TNFRSF10A: variants seen among roughly 807,000 people sequenced by gnomAD.
TNFRSF10A encodes the protein TNF receptor superfamily member 10a, also known as tumor necrosis factor receptor superfamily member 10A.
TNFRSF10A carries 44 observed loss-of-function variants against 42.8 expected under a neutral mutation model. That is an observed-to-expected ratio of 1.03 (90% CI 0.81 to 1.32). The LOEUF is 1.32. TNFRSF10A is among the 40% of genes most tolerant of loss of function. The pLI, the probability that TNFRSF10A is intolerant of heterozygous loss-of-function variation, is 0.00. For synonymous variants in TNFRSF10A, 259 were observed against 234.2 expected (o/e 1.11, Z -0.97); for missense variants, 680 against 602.0 (o/e 1.13, Z -1.36).
chr8:23,200,040 G>T, intron 6 of TNFRSF10A, 123 bp from the exon 7 acceptor site: 1 of 1,240,460 alleles, frequency 8.1e-7, no homozygotes. Context: ...CCCCGGGCCT[G>T]GGGATCCACA....
At chr8:23,204,852 T>C (rs1018496242) in intron 2 of TNFRSF10A, among the ~76,000 whole-genome samples, 1 of 151,894 alleles carries the variant, frequency 6.6e-6, no homozygotes. Context: ...ATAAGACGAA[T>C]GAAAATGAAG....
intron 8 of TNFRSF10A, among the ~76,000 whole-genome samples, 190 bp downstream of exon 8, chr8:23,199,076 G>A (rs1800868288): frequency 6.6e-6 from 1 of 152,170 alleles, no homozygotes; most frequent in Non-Finnish European, 1.5e-5. Flanking sequence ...GCAAGGACAG[G>A]ACAGGGACTA....
At chr8:23,215,008 T>C (rs1199071999) in intron 1 of TNFRSF10A, among the ~76,000 whole-genome samples, 1 of 152,188 alleles carries the variant, frequency 6.6e-6, no homozygotes, top group Admixed American at 6.5e-5. Context: ...CTGGTAGTAA[T>C]GTACTGATGC....
intron 3 of TNFRSF10A, among the ~76,000 whole-genome samples, chr8:23,202,369 C>T (rs907109816): frequency 5.9e-5 from 9 of 152,208 alleles, no homozygotes; most frequent in African/African-American, 1.2e-4. Context: ...CAGACCCGTA[C>T]CACCGCTGAA....
At chr8:23,209,386 C>T (rs1220353716) in intron 2 of TNFRSF10A, among the ~76,000 whole-genome samples, 1 of 152,198 alleles carries the variant, frequency 6.6e-6, no homozygotes, top group African/African-American at 2.4e-5. Flanking sequence ...GGCCATTGTC[C>T]TTCAGACCCC....
At chr8:23,194,073 A>G (rs922546382) in intron 9 of TNFRSF10A, among the ~76,000 whole-genome samples, 3 of 152,016 alleles carry the variant, frequency 2.0e-5, no homozygotes, top group African/African-American at 4.8e-5. Flanking sequence ...TGGGTTCACA[A>G]CCTTCACTGA....
intron 1 of TNFRSF10A, among the ~76,000 whole-genome samples, chr8:23,214,884 G>A (rs1801155087): frequency 6.6e-6 from 1 of 152,172 alleles, no homozygotes; most frequent in Admixed American, 6.5e-5. Context: ...AATGTCCCAT[G>A]AAATACTAGA....
Position 23,206,968 on chromosome 8 carries a change from G to A in TNFRSF10A, c.404-4207C>T, listed in dbSNP as rs145207880. 503 of 329,464 alleles carry A rather than the reference G, an allele frequency of 1.5e-3. 2 individuals carry two copies. Among genetic ancestry groups the A allele is most frequent in the African/African-American group, 0.01 (477 of 45,956 alleles). 20.4% of individuals were successfully genotyped at this position (329,464 alleles called of 1,614,324 possible). On this transcript the variant is annotated intron_variant, in intron 2 of 9. Coordinates refer to ENST00000221132, the MANE Select transcript of TNFRSF10A (RefSeq NM_003844.4). ...CTCCTGCCCCTCCTAAAGCTGAAGC[G>A]ATGCAAAGGTTTTGAAGGCCAAGAA...
chr8:23,224,089 G>A (rs1336660521), intron 1 of TNFRSF10A, among the ~76,000 whole-genome samples: 3 of 152,090 alleles, frequency 2.0e-5, no homozygotes, highest in Admixed American at 2.0e-4. Flanking sequence ...CACTTTGGGA[G>A]GCCGAGGCGG....
chr8:23,192,132 C>T (rs1420511913), intron 9 of TNFRSF10A, 119 bp from the exon 10 acceptor site: 1 of 1,473,318 alleles, frequency 6.8e-7, no homozygotes, highest in Admixed American at 2.2e-5. Context: ...CCTGCATGGG[C>T]AAACCTGTTG....
rs538172494 is a variant in TNFRSF10A at position 23,220,965 on chromosome 8, G to A, written c.306+3791C>T. Among the ~76,000 whole-genome samples, 72 of 152,314 alleles carry A rather than the reference G, an allele frequency of 4.7e-4. 1 individual carries two copies. The Middle Eastern group carries it at 0.02, about 43-fold the overall frequency. On this transcript the variant is annotated intron_variant, in intron 1 of 9. Transcript: ENST00000221132. ...CAGAAGGACAACTGGAAGGAAACGTGGCAGGTAAGCCAGGCTGTGGCCCTG... is the reference window on the plus strand; with the variant it reads ...CAGAAGGACAACTGGAAGGAAACGTAGCAGGTAAGCCAGGCTGTGGCCCTG...
Position 23,221,969 on chromosome 8 carries a change from C to T in TNFRSF10A, c.306+2787G>A, listed in dbSNP as rs373979194. 4.2e-4 allele frequency among the ~76,000 whole-genome samples: 64 copies of T among 152,082 alleles called. 1 individual carries two copies. The highest frequency in any genetic ancestry group is 4.2e-3 in the South Asian group (20 of 4,810). On this transcript the variant is annotated intron_variant, in intron 1 of 9. Coordinates refer to ENST00000221132, the MANE Select transcript of TNFRSF10A (RefSeq NM_003844.4). ...TCGGCTCACTGCAAGCTCTGCCTCC[C>T]GGGTTCACGCCATTCTCCTGCCTCA...
At chr8:23,192,948 T>C (rs1027350507) in intron 9 of TNFRSF10A, among the ~76,000 whole-genome samples, 1 of 152,222 alleles carries the variant, frequency 6.6e-6, no homozygotes, top group Non-Finnish European at 1.5e-5. Context: ...CAGACCATGA[T>C]GGGATGTGGG....
At chr8:23,212,324 T>A in intron 1 of TNFRSF10A, 112 bp from the exon 2 acceptor site, 1 of 880,606 alleles carries the variant, frequency 1.1e-6, no homozygotes, top group South Asian at 1.4e-5. Context: ...AACTTGCATC[T>A]TTCTCCCAGT....
intron 6 of TNFRSF10A, 62 bp downstream of exon 6, chr8:23,200,443 G>A (rs757801130): frequency 4.9e-5 from 78 of 1,584,072 alleles, no homozygotes; most frequent in Admixed American, 1.2e-4. Flanking sequence ...GTTTCTGTCT[G>A]TGGGAACAGA....
chr8:23,207,083 G>GAGC (rs932377118), intron 2 of TNFRSF10A: 42 of 525,876 alleles, frequency 8.0e-5, no homozygotes, highest in Non-Finnish European at 1.2e-4. Flanking sequence ...AGACTCTGGA[G>GAGC]AGCACCCCCA....
chr8:23,196,343 G>A (rs549033758), intron 9 of TNFRSF10A, among the ~76,000 whole-genome samples: 6 of 151,620 alleles, frequency 4.0e-5, no homozygotes, highest in African/African-American at 9.6e-5. Context: ...ACAGGCGCCC[G>A]CCAATACGCC....
chr8:23,211,094 T>C (rs951481191), intron 2 of TNFRSF10A, among the ~76,000 whole-genome samples: 2 of 152,176 alleles, frequency 1.3e-5, no homozygotes, highest in African/African-American at 2.4e-5. Context: ...AGCATCCAGA[T>C]TGGAAAAGAA....
At chr8:23,208,877 T>G (rs1161060484) in intron 2 of TNFRSF10A, among the ~76,000 whole-genome samples, 1 of 152,222 alleles carries the variant, frequency 6.6e-6, no homozygotes, top group Non-Finnish European at 1.5e-5. Flanking sequence ...TAAATTTGCA[T>G]AAGTAATGAG....
Sources: allele counts gnomAD v4.1 joint callset (sites outside exome capture counted in the v4.1 genomes callset), GRCh38; gene constraint gnomAD v4.1.1; transcripts MANE v1.5; gene names NCBI Gene and HGNC (gene_info 2026-07-23, HGNC 2026-07-21).